SORCS3: variants seen among roughly 807,000 people sequenced by gnomAD.
SORCS3 encodes the protein sortilin related VPS10 domain containing receptor 3.
A neutral mutation model predicts 146.3 loss-of-function variants in SORCS3; 57 were observed. That is an observed-to-expected ratio of 0.39 (90% CI 0.31 to 0.49). The LOEUF is 0.49. SORCS3 is among the 20% of genes least tolerant of loss of function. SORCS3 has a pLI of 0.92. For synonymous variants in SORCS3, 653 were observed against 618.5 expected, an observed-to-expected ratio of 1.06 and a Z score of -0.83; for missense variants, 1,341 against 1,575.5, an observed-to-expected ratio of 0.85 and a Z score of 2.52.
chr10:105,039,450 T>C (rs561218670), intron 4 of SORCS3, among the ~76,000 whole-genome samples: 93 of 138,016 alleles, frequency 6.7e-4, no homozygotes, highest in Middle Eastern at 7.5e-3. Context: ...TCTCTCGCTC[T>C]CTTTTTTTTT....
chr10:105,251,700 C>G (rs1026543677), intron 22 of SORCS3, among the ~76,000 whole-genome samples: 1 of 152,134 alleles, frequency 6.6e-6, no homozygotes, highest in African/African-American at 2.4e-5. Flanking sequence ...CAGGAAAGAA[C>G]AAGCTTACCC....
At chr10:105,047,949 G>A (rs1241407127) in intron 5 of SORCS3, among the ~76,000 whole-genome samples, 1 of 152,048 alleles carries the variant, frequency 6.6e-6, no homozygotes, top group East Asian at 1.9e-4. Context: ...ATCATCACTG[G>A]CCATCAGAGA....
chr10:104,838,578 C>T (rs1312076547), intron 1 of SORCS3, among the ~76,000 whole-genome samples: 1 of 152,156 alleles, frequency 6.6e-6, no homozygotes, highest in African/African-American at 2.4e-5. Context: ...AGTGTTTTGA[C>T]TTTTCCTCTG....
At position 104,641,945 on chromosome 10, in the gene SORCS3, C is replaced by T; in HGVS notation, c.618C>T (p.His206=). The part of the protein sequence containing the change: ...HNQAMVHWSG[H]NSSVILILTK... ...AAGCCATGGTGCACTGGTCGGGACA[C>T]AACAGCAGCGTGAGTACCCACCCGG... The change falls in exon 1 of 27, where the codon CAC becomes CAT. Residue 206 remains histidine, a synonymous_variant. Transcript: ENST00000369701. This position sits in a 1 kb window ranked among gnomAD's most constrained non-coding sequence, Gnocchi z 6.4. 6.4e-7 allele frequency: 1 copy of T among 1,574,662 alleles called. No homozygotes were observed.
chr10:105,217,379 T>C (rs1258879442), intron 19 of SORCS3, among the ~76,000 whole-genome samples: 1 of 152,202 alleles, frequency 6.6e-6, no homozygotes, highest in Non-Finnish European at 1.5e-5. Context: ...TATAAATGTG[T>C]GCGTGCACAC....
chr10:104,825,342 G>A (rs566346530), intron 1 of SORCS3, among the ~76,000 whole-genome samples: 1 of 152,300 alleles, frequency 6.6e-6, no homozygotes, highest in Non-Finnish European at 1.5e-5. Context: ...GCTCAATAGG[G>A]TAAGCCCCTT....
chr10:104,941,948 A>C (rs2019324252), intron 3 of SORCS3, among the ~76,000 whole-genome samples: 2 of 152,246 alleles, frequency 1.3e-5, no homozygotes, highest in African/African-American at 4.8e-5. Context: ...ATGAGTCTGG[A>C]GTATTGAGAA....
At chr10:105,178,258 C>A (rs2056420537) in intron 14 of SORCS3, 85 bp downstream of exon 14, 7 of 1,076,156 alleles carry the variant, frequency 6.5e-6, no homozygotes, top group Admixed American at 2.7e-5. Flanking sequence ...TCCCAGGGAA[C>A]CCTACACCAA....
At chr10:105,010,373 C>A (rs1017898331) in intron 4 of SORCS3, among the ~76,000 whole-genome samples, 4 of 152,136 alleles carry the variant, frequency 2.6e-5, no homozygotes, top group African/African-American at 9.7e-5. Context: ...CTCAGTTAGA[C>A]AAAAAGACAA....
intron 2 of SORCS3, among the ~76,000 whole-genome samples, chr10:104,901,190 A>G (rs1036346315): frequency 1.7e-4 from 26 of 152,218 alleles, no homozygotes; most frequent in African/African-American, 5.3e-4. Context: ...AATATGCATG[A>G]CATTGTGATA....
chr10:105,219,755 C>A (rs2056687776), intron 19 of SORCS3, among the ~76,000 whole-genome samples: 1 of 152,204 alleles, frequency 6.6e-6, no homozygotes, highest in Non-Finnish European at 1.5e-5. Context: ...AAATGAACTT[C>A]ACATTCCTCT....
intron 1 of SORCS3, among the ~76,000 whole-genome samples, chr10:104,746,791 T>C (rs2016916718): frequency 6.6e-6 from 1 of 152,234 alleles, no homozygotes; most frequent in African/African-American, 2.4e-5. Context: ...CTTATTTCAC[T>C]TAGCATAATG....
intron 4 of SORCS3, among the ~76,000 whole-genome samples, chr10:105,031,369 A>C (rs1008911180): frequency 8.6e-5 from 13 of 151,590 alleles, no homozygotes; most frequent in Non-Finnish European, 1.9e-4. Flanking sequence ...ACACAAAAAC[A>C]TGTATGTTTG....
intron 20 of SORCS3, among the ~76,000 whole-genome samples, chr10:105,229,787 T>A (rs1288071881): frequency 6.6e-6 from 1 of 152,134 alleles, no homozygotes; most frequent in Admixed American, 6.5e-5. Context: ...CAGAGCAGTG[T>A]ACGTTGGCCT....
intron 2 of SORCS3, among the ~76,000 whole-genome samples, chr10:104,881,116 A>G (rs933704153): frequency 6.6e-6 from 1 of 152,244 alleles, no homozygotes; most frequent in Non-Finnish European, 1.5e-5. Context: ...CAGGAAACCC[A>G]TATTTAATGC....
At chr10:105,132,508 T>C (rs1459376637) in intron 7 of SORCS3, among the ~76,000 whole-genome samples, 1 of 152,162 alleles carries the variant, frequency 6.6e-6, no homozygotes, top group African/African-American at 2.4e-5. Flanking sequence ...CAACGGGAGC[T>C]AGGAAATGAC....
chr10:104,855,894 C>G (rs2018325364), intron 2 of SORCS3, among the ~76,000 whole-genome samples: 1 of 152,170 alleles, frequency 6.6e-6, no homozygotes, highest in South Asian at 2.1e-4. Flanking sequence ...TGCCACCATA[C>G]CTGGCTGATT....
intron 7 of SORCS3, among the ~76,000 whole-genome samples, chr10:105,126,633 C>T (rs1193844557): frequency 2.6e-5 from 4 of 152,118 alleles, no homozygotes; most frequent in Admixed American, 1.3e-4. Flanking sequence ...CTAAGAGAAT[C>T]GTTATGCCTG....
chr10:105,087,640 T>C (rs2055672318), intron 5 of SORCS3, among the ~76,000 whole-genome samples: 1 of 152,212 alleles, frequency 6.6e-6, no homozygotes, highest in South Asian at 2.1e-4. Context: ...AGATTGTTTA[T>C]TAATTCAGTA....
Sources: allele counts gnomAD v4.1 joint callset (sites outside exome capture counted in the v4.1 genomes callset), GRCh38; gene constraint gnomAD v4.1.1; non-coding constraint Gnocchi (gnomAD v3.1); transcripts MANE v1.5; gene names NCBI Gene and HGNC (gene_info 2026-07-23, HGNC 2026-07-21).